KCTD1: variants seen among roughly 807,000 people sequenced by gnomAD.
KCTD1 encodes potassium channel tetramerization domain containing 1.
In KCTD1, 24 loss-of-function variants were observed where a neutral mutation model predicts 66.0. The ratio of observed to expected loss-of-function variants is 0.36; its 90% CI spans 0.26 to 0.51. The LOEUF (loss-of-function observed/expected upper bound fraction) is 0.51, where lower values mean the gene tolerates loss of function less well. Ranked by LOEUF, KCTD1 falls within the 20% of genes least tolerant of loss-of-function variation. The pLI, the probability that KCTD1 is intolerant of heterozygous loss-of-function variation, is 0.95. For missense variants in KCTD1, 943 were observed against 1,205.2 expected (o/e 0.78, Z 3.22); for synonymous variants, 511 against 517.2 (o/e 0.99, Z 0.16).
intron 2 of KCTD1, among the ~76,000 whole-genome samples, chr18:26,496,195 T>A (rs1982461934): frequency 6.6e-6 from 1 of 152,186 alleles, no homozygotes; most frequent in South Asian, 2.1e-4. Context: ...CCCTTAAAAT[T>A]TTCAGGGTCC....
chr18:26,568,993 G>A (rs1986044153), intron 1 of KCTD1, among the ~76,000 whole-genome samples: 1 of 152,084 alleles, frequency 6.6e-6, no homozygotes, highest in Non-Finnish European at 1.5e-5. Flanking sequence ...TTTTCAAAAG[G>A]CAATTAGTCT....
intron 1 of KCTD1, among the ~76,000 whole-genome samples, chr18:26,512,678 C>G (rs1183035702): frequency 1.3e-5 from 2 of 152,050 alleles, no homozygotes; most frequent in Non-Finnish European, 2.9e-5. Flanking sequence ...ACAAGAGACT[C>G]CATGTAAATA....
intron 2 of KCTD1, among the ~76,000 whole-genome samples, chr18:26,499,539 A>G (rs1982647812): frequency 6.6e-6 from 1 of 152,264 alleles, no homozygotes; most frequent in Non-Finnish European, 1.5e-5. Flanking sequence ...TGTAGAAATT[A>G]AATCTGGAAA....
At chr18:26,546,705 T>C (rs771802550) in intron 1 of KCTD1, 23 bp downstream of exon 1, 27 of 1,532,446 alleles carry the variant, frequency 1.8e-5, no homozygotes, top group East Asian at 7.4e-5. Context: ...AAACATTTCA[T>C]GCATAGAGTT....
In KCTD1 at chr18:26,465,353, G is replaced by C. The variant is rs140677335; in HGVS notation, c.2134-5428C>G. ...CTCACCTCAGCCTCCCATAGTGCTGGGATTACAGGTGTCAGCCACCGTGCC... is the reference window on the plus strand; with the variant it reads ...CTCACCTCAGCCTCCCATAGTGCTGCGATTACAGGTGTCAGCCACCGTGCC... On this transcript the variant is annotated intron_variant, in intron 3 of 4. Coordinates refer to ENST00000580059, the MANE Select transcript of KCTD1 (RefSeq NM_001142730.3). 4.7e-3 allele frequency among the ~76,000 whole-genome samples: 723 copies of C among 152,244 alleles called. 3 individuals carry two copies. Among genetic ancestry groups the C allele is most frequent in the African/African-American group, 0.014 (588 of 41,526 alleles).
chr18:26,530,249 C>T (rs1266520309), intron 1 of KCTD1, among the ~76,000 whole-genome samples: 1 of 152,158 alleles, frequency 6.6e-6, no homozygotes, highest in Non-Finnish European at 1.5e-5. Context: ...CAACCCTACA[C>T]TTTGAATAAA....
At chr18:26,599,619 C>A (rs1986844004) in intron 1 of KCTD1, 6 of 1,471,126 alleles carry the variant, frequency 4.1e-6, no homozygotes, top group Non-Finnish European at 5.7e-6. Flanking sequence ...CCGGGAAGCA[C>A]CACTCTGCAC....
At chr18:26,644,680 C>T (rs1987898109), upstream of KCTD1, among the ~76,000 whole-genome samples, 1 of 151,480 alleles carries the variant, frequency 6.6e-6, no homozygotes, top group Non-Finnish European at 1.5e-5. Flanking sequence ...ATCACTTGAA[C>T]CTGGGAGGTG....
intron 1 of KCTD1, among the ~76,000 whole-genome samples, chr18:26,621,255 G>A (rs1180003759): frequency 4.6e-5 from 7 of 152,238 alleles, no homozygotes; most frequent in Non-Finnish European, 4.4e-5. Context: ...TTGGATGAAT[G>A]TGGTCGGGTC....
At chr18:26,455,990 C>T in intron 4 of KCTD1, 89 bp from the exon 5 acceptor site, 1 of 1,243,722 alleles carries the variant, frequency 8.0e-7, no homozygotes, top group Non-Finnish European at 1.1e-6. Context: ...TATGCGCACT[C>T]TGGTTCATCT....
intron 1 of KCTD1, among the ~76,000 whole-genome samples, chr18:26,563,064 G>A (rs1403511836): frequency 6.6e-6 from 1 of 152,106 alleles, no homozygotes; most frequent in Non-Finnish European, 1.5e-5. Flanking sequence ...GAACTCTGTA[G>A]TCCCCTTCCC....
At position 26,547,016 on chromosome 18, in the gene KCTD1, C is replaced by A. The variant is rs1022341816; in HGVS notation, c.1521G>T (p.Pro507=). ...THPSHHHRPQ[P]PSLGNTYILP... The stretch of plus-strand genomic sequence containing the variant: ...GGATGTAAGTGTTCCCCAGCGAGGG[C>A]GGCTGGGGGCGGTGGTGGTGGGAGG... Residue 507 remains proline, a synonymous_variant, in exon 1 of 5, where the codon CCG becomes CCT. Transcript: ENST00000580059. 2.1e-5 allele frequency: 21 copies of A among 1,002,964 alleles called. No individual in the cohort carries two copies. The highest frequency in any genetic ancestry group is 1.2e-4 in the Admixed American group (3 of 24,330). 62.1% of individuals were successfully genotyped at this position (1,002,964 alleles called of 1,614,324 possible). A position where few individuals can be genotyped will look rare whatever the true frequency, so the allele number is the denominator to read the frequency against.
intron 1 of KCTD1, among the ~76,000 whole-genome samples, chr18:26,614,812 T>C (rs2438416): frequency 0.54 from 81,743 of 152,036 alleles, 22,106 homozygotes; most frequent in African/African-American, 0.6. Context: ...GACCTACACT[T>C]ATCTTGTTCC....
chr18:26,562,851 A>C (rs996122237), intron 1 of KCTD1, among the ~76,000 whole-genome samples: 1 of 152,158 alleles, frequency 6.6e-6, no homozygotes, highest in Non-Finnish European at 1.5e-5. Context: ...TTATGAACAC[A>C]TCAGTTCTAC....
Position 26,546,978 on chromosome 18 carries a change from C to T in KCTD1, c.1559G>A (p.Ser520Asn). Residue 520 changes from serine to asparagine, a missense_variant, in exon 1 of 5, where the codon AGC (serine) becomes AAC (asparagine). Physicochemically the swap from Ser to Asn is conservative, Grantham distance 46. Around this residue, in one of 10 missense-constraint regions of KCTD1, gnomAD observed 197 missense variants for 182.7 expected, o/e 1.08. Transcript: ENST00000580059. The stretch of plus-strand genomic sequence containing the variant: ...GGATTTCACGTCGGGCCCGACCTGG[C>T]TGTCTTTGGGGAGGATGTAAGTGTT... ...LGNTYILPKD[S>N]QVGPDVKSEA... 3 of 1,441,672 alleles carry T rather than the reference C, an allele frequency of 2.1e-6. No homozygotes were observed. Among genetic ancestry groups the T allele is most frequent in the Non-Finnish European group, 2.8e-6 (3 of 1,089,926 alleles). 89.3% of individuals were successfully genotyped at this position (1,441,672 alleles called of 1,614,324 possible).
chr18:26,651,920 G>A (rs928926890), intron 1 of KCTD1, among the ~76,000 whole-genome samples: 12 of 152,146 alleles, frequency 7.9e-5, no homozygotes, highest in African/African-American at 2.7e-4. Context: ...CCTAGGGTGG[G>A]TGCAGAACAA....
At chr18:26,590,879 A>T (rs1326129776) in intron 1 of KCTD1, among the ~76,000 whole-genome samples, 3 of 152,048 alleles carry the variant, frequency 2.0e-5, no homozygotes. Context: ...AAAAACTAAT[A>T]ATTTTTTTCT....
intron 1 of KCTD1, among the ~76,000 whole-genome samples, chr18:26,609,247 T>C (rs975378901): frequency 1.3e-5 from 2 of 152,234 alleles, no homozygotes; most frequent in Admixed American, 1.3e-4. Flanking sequence ...TCCCTTAGCA[T>C]TAAATATTTA....
intron 1 of KCTD1, among the ~76,000 whole-genome samples, chr18:26,534,948 C>A (rs1485527927): frequency 6.6e-6 from 1 of 152,152 alleles, no homozygotes; most frequent in East Asian, 1.9e-4. Flanking sequence ...TATCTGTCAT[C>A]ACCAGCAAAA....
Sources: gnomAD v4.1 joint callset for allele counts (sites outside exome capture counted in the v4.1 genomes callset) on GRCh38, gnomAD v4.1.1 for gene constraint, gnomAD v4.1.1 regional missense constraint, MANE v1.5 for transcripts, NCBI Gene and HGNC (gene_info 2026-07-23, HGNC 2026-07-21) for gene names.